LIMCH1: variants seen among roughly 807,000 people sequenced by gnomAD.
LIMCH1 encodes LIM and calponin homology domains-containing protein 1.
In LIMCH1, 113 loss-of-function variants were observed where a neutral mutation model predicts 176.5. The observed-to-expected ratio is 0.64, with a 90% confidence interval of 0.55 to 0.75. The LOEUF (loss-of-function observed/expected upper bound fraction) is 0.75. LIMCH1 is among the 30% of genes least tolerant of loss of function. The pLI, the probability that LIMCH1 is intolerant of heterozygous loss-of-function variation, is 0.00. For missense variants in LIMCH1, 1,674 were observed against 1,814.9 expected (o/e 0.92, Z 1.41); for synonymous variants, 619 against 645.9 (o/e 0.96, Z 0.63).
intron 21 of LIMCH1, among the ~76,000 whole-genome samples, chr4:41,669,018 A>G (rs1176623617): frequency 1.3e-5 from 2 of 152,182 alleles, no homozygotes; most frequent in African/African-American, 4.8e-5. Context: ...GGGAGCTTTG[A>G]TTCAAGATTT....
chr4:41,645,338 A>C lies in LIMCH1; in HGVS notation c.2253+712A>C, dbSNP rs561650565. Among the ~76,000 whole-genome samples, 12 of 152,378 alleles carry C rather than the reference A, an allele frequency of 7.9e-5. No individual in the cohort carries two copies. In the East Asian group the frequency reaches 1.5e-3, roughly 20 times the overall value. Reference sequence around the variant, plus strand: ...AAAAGTTAACTTCTCCAAAGTTCATAAAATATAGTAACAATTATGTCTAAA... The same window carrying C: ...AAAAGTTAACTTCTCCAAAGTTCATCAAATATAGTAACAATTATGTCTAAA... On this transcript the variant is annotated intron_variant, in intron 15 of 31. Transcript: ENST00000503057.
intron 1 of LIMCH1, among the ~76,000 whole-genome samples, chr4:41,421,465 A>T (rs892676436): frequency 4.6e-5 from 7 of 152,210 alleles, no homozygotes; most frequent in Admixed American, 3.9e-4. Flanking sequence ...TTTAAAACAT[A>T]AACTCAGAAA....
In LIMCH1 at chr4:41,626,912, C is replaced by G. The variant is rs1389213212; in HGVS notation, c.930C>G (p.Leu310=). The G allele has an allele frequency of 2.0e-6, 3 of 1,536,020 alleles. No homozygotes were observed. The African/African-American group carries it at 4.1e-5, about 21-fold the overall frequency. Residue 310 remains leucine, a synonymous_variant, in exon 8 of 32, where the codon CTC becomes CTG. Coordinates refer to ENST00000503057, the MANE Select transcript of LIMCH1 (RefSeq NM_001330672.2). ...AGCCAATGGTGCCATTAAATCAACT[C>G]CTCTATGGCCCTTATCCAAAGAAAG... ...QTKPMVPLNQ[L]LYGPYPKKGA...
chr4:41,681,630 C>G (rs1484237303), intron 25 of LIMCH1, among the ~76,000 whole-genome samples: 1 of 151,984 alleles, frequency 6.6e-6, no homozygotes, highest in Non-Finnish European at 1.5e-5. Flanking sequence ...TGCCATTGCA[C>G]CACTGTACTC....
chr4:41,603,234 A>T (rs2090225044), intron 2 of LIMCH1, among the ~76,000 whole-genome samples: 1 of 152,186 alleles, frequency 6.6e-6, no homozygotes, highest in African/African-American at 2.4e-5. Context: ...ATTTTGCAGG[A>T]AGTCTTATTT....
rs1251548852 is a variant in LIMCH1, at chr4:41,682,477, A to G, written c.3845+17A>G. ...GAAGGGCAGGTATGAGCCCATCCCA[A>G]GCCACCATGAAAATGTACAAAGCTG... On this transcript the variant is annotated intron_variant, in intron 26 of 31. Transcript: ENST00000503057. 1.2e-6 allele frequency: 2 copies of G among 1,608,884 alleles called. No individual in the cohort carries two copies. The highest frequency in any genetic ancestry group is 3.4e-5 in the Admixed American group (2 of 59,382).
intron 1 of LIMCH1, among the ~76,000 whole-genome samples, chr4:41,465,193 C>T (rs536545838): frequency 6.6e-6 from 1 of 152,238 alleles, no homozygotes; most frequent in African/African-American, 2.4e-5. Context: ...CAGCAGAGCC[C>T]CCAACTTTCT....
At chr4:41,482,855 G>T (rs1456666493) in intron 1 of LIMCH1, among the ~76,000 whole-genome samples, 1 of 152,120 alleles carries the variant, frequency 6.6e-6, no homozygotes, top group Non-Finnish European at 1.5e-5. Flanking sequence ...GAAAGCTGAG[G>T]GTTGGTACAA....
intron 1 of LIMCH1, among the ~76,000 whole-genome samples, chr4:41,387,799 G>T (rs905836426): frequency 6.6e-6 from 1 of 152,222 alleles, no homozygotes; most frequent in Admixed American, 6.5e-5. Context: ...GTCAAAACTT[G>T]ATGTGAAGAT....
intron 1 of LIMCH1, among the ~76,000 whole-genome samples, chr4:41,544,945 A>G (rs1323102223): frequency 6.6e-6 from 1 of 152,174 alleles, no homozygotes; most frequent in African/African-American, 2.4e-5. Flanking sequence ...GAAGATACAG[A>G]ATTTTGCATT....
At chr4:41,374,382 C>G (rs2054417031) in intron 1 of LIMCH1, among the ~76,000 whole-genome samples, 1 of 152,112 alleles carries the variant, frequency 6.6e-6, no homozygotes, top group African/African-American at 2.4e-5. Flanking sequence ...CTCCCAAACC[C>G]CACATTCTAA....
intron 20 of LIMCH1, among the ~76,000 whole-genome samples, chr4:41,665,243 T>TAGCA (rs1455943346): frequency 1.3e-5 from 2 of 152,216 alleles, no homozygotes; most frequent in African/African-American, 4.8e-5. Context: ...ATAGCGGTCA[T>TAGCA]TTTGATCATT....
At chr4:41,399,906 TCTC>T (rs2058223573) in intron 1 of LIMCH1, among the ~76,000 whole-genome samples, 1 of 148,594 alleles carries the variant, frequency 6.7e-6, no homozygotes, top group Admixed American at 6.7e-5. Context: ...ATGGTCTTGA[TCTC>T]CTGACCTCGT....
At position 41,539,124 on chromosome 4, in the gene LIMCH1, G is replaced by A. The variant is rs115750058; in HGVS notation, c.-241+774G>A. On this transcript the variant is annotated intron_variant, in intron 1 of 31. Coordinates refer to ENST00000503057, the MANE Select transcript of LIMCH1 (RefSeq NM_001330672.2). ...AAATCAGGTTGAAACAGAGCCTGGCGAATCCCTATGGCAAAATGATTCATC... is the reference window on the plus strand; with the variant it reads ...AAATCAGGTTGAAACAGAGCCTGGCAAATCCCTATGGCAAAATGATTCATC... Among the ~76,000 whole-genome samples the A allele has an allele frequency of 7.0e-3, 1,069 of 152,250 alleles. 10 individuals carry two copies. The highest frequency in any genetic ancestry group is 0.012 in the Non-Finnish European group (824 of 68,000).
chr4:41,499,970 T>C (rs1424883770), intron 2 of LIMCH1, among the ~76,000 whole-genome samples: 1 of 152,236 alleles, frequency 6.6e-6, no homozygotes, highest in Non-Finnish European at 1.5e-5. Context: ...CCAGCTATTT[T>C]GTAGAATATA....
intron 8 of LIMCH1, among the ~76,000 whole-genome samples, chr4:41,628,064 T>C (rs953293997): frequency 2.6e-5 from 4 of 152,194 alleles, no homozygotes; most frequent in African/African-American, 9.7e-5. Flanking sequence ...TCTGGCATCA[T>C]TTCTTTACAG....
chr4:41,547,871 A>G (rs867027902), intron 1 of LIMCH1, among the ~76,000 whole-genome samples: 24 of 126,540 alleles, frequency 1.9e-4, no homozygotes, highest in African/African-American at 3.4e-4. Flanking sequence ...GTGTATATAT[A>G]TATATATATA....
intron 1 of LIMCH1, among the ~76,000 whole-genome samples, chr4:41,394,085 TTACTTTATGTAGTTTTAAAG>T (rs1385846033): frequency 1.3e-5 from 2 of 152,232 alleles, no homozygotes; most frequent in African/African-American, 4.8e-5. Context: ...CTATGTAAAC[TTACTTTATGTAGTTTTAAAG>T]TAACTACATA....
At chr4:41,492,434 G>A (rs541506308) in intron 1 of LIMCH1, among the ~76,000 whole-genome samples, 1 of 151,578 alleles carries the variant, frequency 6.6e-6, no homozygotes, top group African/African-American at 2.4e-5. Context: ...GGAGCCCAGA[G>A]GGAGAAGGGG....
Sources: gnomAD v4.1 joint callset for allele counts (sites outside exome capture counted in the v4.1 genomes callset) on GRCh38, gnomAD v4.1.1 for gene constraint, MANE v1.5 for transcripts, NCBI Gene and HGNC (gene_info 2026-07-23, HGNC 2026-07-21) for gene names.